MBP: variants seen among roughly 807,000 people sequenced by gnomAD.
MBP encodes the protein Golli-MBP.
Under a neutral mutation model 35.8 loss-of-function variants are expected in MBP, and 16 were observed. The ratio of observed to expected loss-of-function variants is 0.45; its 90% CI spans 0.30 to 0.68. MBP has a LOEUF of 0.68. Ranked by LOEUF, MBP falls within the 30% of genes least tolerant of loss-of-function variation. The probability of loss-of-function intolerance (pLI) is 0.08; values close to 1 mark genes in which losing one functional copy is unlikely to be tolerated. For missense variants in MBP, 380 were observed against 404.7 expected (o/e 0.94, Z 0.52); for synonymous variants, 143 against 159.6 (o/e 0.90, Z 0.78).
At chr18:77,034,610 C>A (rs1254882974) in intron 3 of MBP, among the ~76,000 whole-genome samples, 1 of 152,224 alleles carries the variant, frequency 6.6e-6, no homozygotes, top group Non-Finnish European at 1.5e-5. Flanking sequence ...CCTCTGGGAG[C>A]CAGGGCTGCA....
chr18:77,126,255 G>C (rs186075690), intron 1 of MBP, among the ~76,000 whole-genome samples: 1 of 152,280 alleles, frequency 6.6e-6, no homozygotes, highest in East Asian at 1.9e-4. Flanking sequence ...ATACTCAAGG[G>C]TGGGTCAGCA....
chr18:76,993,589 CT>C (rs1472487282), intron 4 of MBP, among the ~76,000 whole-genome samples: 1 of 151,784 alleles, frequency 6.6e-6, no homozygotes, highest in African/African-American at 2.4e-5. Flanking sequence ...CATTTTATCC[CT>C]TGGATTTCTT....
intron 4 of MBP, among the ~76,000 whole-genome samples, chr18:77,008,499 A>G (rs1378382348): frequency 2.0e-5 from 3 of 152,012 alleles, no homozygotes. Context: ...GGGCTTCCAA[A>G]CCACTGAGAC....
intron 4 of MBP, chr18:77,013,834 T>C: frequency 1.0e-6 from 1 of 985,456 alleles, no homozygotes; most frequent in Non-Finnish European, 1.2e-6. Context: ...CTTAGGTGTC[T>C]TGTGAAACCT....
intron 4 of MBP, among the ~76,000 whole-genome samples, chr18:76,996,635 G>A (rs1019652358): frequency 5.3e-5 from 8 of 152,088 alleles, no homozygotes; most frequent in Admixed American, 4.6e-4. Flanking sequence ...GTTTCATACT[G>A]TGTGGTCTTA....
At chr18:77,009,736 T>G in intron 4 of MBP, 1 of 931,938 alleles carries the variant, frequency 1.1e-6, no homozygotes, top group East Asian at 2.8e-5. Context: ...CCCCGGAGGC[T>G]GGGGGTGGGC....
chr18:77,130,564 C>T (rs907524656), intron 1 of MBP, among the ~76,000 whole-genome samples: 1 of 151,916 alleles, frequency 6.6e-6, no homozygotes, highest in Admixed American at 6.5e-5. Flanking sequence ...AGCTGCTCAT[C>T]TTAAGCATGT....
intron 4 of MBP, among the ~76,000 whole-genome samples, chr18:77,010,532 T>G (rs548827736): frequency 6.6e-6 from 1 of 152,360 alleles, no homozygotes; most frequent in South Asian, 2.1e-4. Context: ...CTGCAGAGCA[T>G]GAGGAAATAA....
rs369697767 is a variant in MBP at position 77,066,078 on chromosome 18, G to A, written c.139+220C>T. The A allele has an allele frequency of 7.3e-4, 367 of 503,220 alleles. 5 individuals are homozygous for A. In the South Asian group the frequency reaches 0.013, roughly 17 times the overall value. The allele number at this position is 503,220 out of a possible 1,614,324, so 31.2% of individuals were successfully genotyped here. A position where few individuals can be genotyped will look rare whatever the true frequency, so the allele number is the denominator to read the frequency against. ...AGGTCTCATTGTGTTGCCCGGGCTG[G>A]TCTTGAGCTCCTGGGCTCAAGCGAT... On this transcript the variant is annotated intron_variant, in intron 3 of 8. Transcript: ENST00000355994.
At chr18:77,076,970 GAAT>G (rs1482715562) in intron 2 of MBP, among the ~76,000 whole-genome samples, 1 of 152,192 alleles carries the variant, frequency 6.6e-6, no homozygotes, top group Non-Finnish European at 1.5e-5. Context: ...ACAAGAGTGA[GAAT>G]AATAGTACCT....
intron 7 of MBP, chr18:76,986,809 C>A: frequency 1.0e-6 from 1 of 985,440 alleles, no homozygotes; most frequent in Non-Finnish European, 1.2e-6. Flanking sequence ...TTTTTGAGAG[C>A]TAAATCCGGG....
At chr18:77,089,701 C>G (rs1316469033) in intron 2 of MBP, among the ~76,000 whole-genome samples, 1 of 152,254 alleles carries the variant, frequency 6.6e-6, no homozygotes, top group Non-Finnish European at 1.5e-5. Context: ...CAGTACTTTT[C>G]AGGCCGGAGG....
At chr18:77,013,127 A>G (rs1296140753) in intron 4 of MBP, 1 of 985,472 alleles carries the variant, frequency 1.0e-6, no homozygotes. Context: ...AGGAATGCCT[A>G]TAAGAAATCT....
chr18:76,985,573 G>A, intron 7 of MBP: 1 of 1,099,544 alleles, frequency 9.1e-7, no homozygotes, highest in Non-Finnish European at 1.1e-6. Flanking sequence ...GGAGCAACAG[G>A]AGGCCGGGGC....
At chr18:77,002,406 C>A (rs1970687831) in intron 4 of MBP, among the ~76,000 whole-genome samples, 1 of 152,212 alleles carries the variant, frequency 6.6e-6, no homozygotes, top group Non-Finnish European at 1.5e-5. Context: ...GCCCAGAGAG[C>A]AGCATCTACC....
At position 76,988,573 on chromosome 18, in the gene MBP, G is replaced by A. The variant is rs747319590; in HGVS notation, c.718-46C>T. On this transcript the variant is annotated intron_variant, in intron 6 of 8. Transcript: ENST00000355994. The surrounding 1 kb of genome is among the most constrained non-coding windows in gnomAD (Gnocchi z 5.2). The stretch of plus-strand genomic sequence containing the variant: ...AATAATGACATGGTGGTCAGTGAAG[G>A]GAAAGTCCTTTCAATCAACAGGAAA... The A allele has an allele frequency of 4.6e-5, 73 of 1,589,258 alleles. 1 individual carries two copies. In the South Asian group the frequency reaches 8.1e-4, roughly 18 times the overall value.
chr18:76,992,069 C>T (rs368206596), intron 4 of MBP, among the ~76,000 whole-genome samples: 3 of 152,302 alleles, frequency 2.0e-5, no homozygotes, highest in South Asian at 2.1e-4. Context: ...GGTCTCCACA[C>T]GGCACACATC....
intron 2 of MBP, chr18:77,095,608 G>A (rs1975726569): frequency 2.0e-5 from 3 of 152,300 alleles, no homozygotes; most frequent in Admixed American, 2.0e-4. Flanking sequence ...AAGAGGAAGT[G>A]TAAGGGAGGG....
rs1468500097 is a variant in MBP at position 76,979,845 on chromosome 18, A to G, written c.*582T>C. 1.5e-6 allele frequency: 1 copy of G among 652,390 alleles called. No homozygotes were observed. The highest frequency in any genetic ancestry group is 2.8e-6 in the Non-Finnish European group (1 of 361,758). 40.4% of individuals were successfully genotyped at this position (652,390 alleles called of 1,614,324 possible). A position where few individuals can be genotyped will look rare whatever the true frequency, so the allele number is the denominator to read the frequency against. ...GTGCTGCCCCACGTTGGACTCTAAC[A>G]GCTGCCCAGCCCGCATGTCACATAC... On this transcript the variant is annotated 3_prime_UTR_variant, in exon 9 of 9. Coordinates refer to ENST00000355994, the MANE Select transcript of MBP (RefSeq NM_001025101.2).
Sources: allele counts gnomAD v4.1 joint callset (sites outside exome capture counted in the v4.1 genomes callset), GRCh38; gene constraint gnomAD v4.1.1; non-coding constraint Gnocchi (gnomAD v3.1); transcripts MANE v1.5; gene names NCBI Gene and HGNC (gene_info 2026-07-23, HGNC 2026-07-21).